Variants in SERP2 observed in about 807,000 individuals in gnomAD.
The protein encoded by SERP2 is stress associated endoplasmic reticulum protein family member 2.
In SERP2, 6 loss-of-function variants were observed where a neutral mutation model predicts 9.1. The ratio of observed to expected loss-of-function variants is 0.66; its 90% CI spans 0.36 to 1.30. The LOEUF (loss-of-function observed/expected upper bound fraction) is 1.30. Among genes scored for constraint, SERP2 ranks in the 50% most tolerant of loss-of-function variants. The pLI is 0.03. For missense variants in SERP2, 58 were observed against 81.9 expected (o/e 0.71, Z 1.13); for synonymous variants, 37 against 27.3 (o/e 1.35, Z -1.10).
At chr13:44,395,885 A>G in intron 2 of SERP2, 1 of 454,632 alleles carries the variant, frequency 2.2e-6, no homozygotes, top group South Asian at 1.6e-5. Flanking sequence ...GAGAAGAAAG[A>G]GACCCAAAAA....
At chr13:44,393,048 C>G (rs1872876254) in intron 2 of SERP2, among the ~76,000 whole-genome samples, 1 of 151,726 alleles carries the variant, frequency 6.6e-6, no homozygotes, top group African/African-American at 2.4e-5. Flanking sequence ...GAGTTTCAAG[C>G]AGGAAGTGCC....
intron 2 of SERP2, among the ~76,000 whole-genome samples, chr13:44,389,564 A>G (rs1447385474): frequency 1.3e-5 from 2 of 152,166 alleles, no homozygotes; most frequent in African/African-American, 4.8e-5. Flanking sequence ...AATGCTTAAG[A>G]GGGAAGAAAT....
Position 44,393,851 on chromosome 13 carries a change from T to A in SERP2, c.158-3421T>A, listed in dbSNP as rs569419069. Among the ~76,000 whole-genome samples, 187 of 152,264 alleles carry A rather than the reference T, an allele frequency of 1.2e-3. 1 individual carries two copies. Among genetic ancestry groups the A allele is most frequent in the African/African-American group, 4.3e-3 (180 of 41,572 alleles). The stretch of plus-strand genomic sequence containing the variant: ...GTGTAAGTTTTCTTAAAGACAATGA[T>A]ACAACTGAAAAAGAAATAATAAACA... On this transcript the variant is annotated intron_variant, in intron 2 of 2. Coordinates refer to ENST00000379179, the MANE Select transcript of SERP2 (RefSeq NM_001010897.3).
At chr13:44,387,203 G>C (rs997932027) in intron 2 of SERP2, among the ~76,000 whole-genome samples, 1 of 152,166 alleles carries the variant, frequency 6.6e-6, no homozygotes, top group African/African-American at 2.4e-5. Context: ...GACTTGACAT[G>C]CTTCCCCAGC....
At chr13:44,380,053 C>A (rs1244026317) in intron 2 of SERP2, among the ~76,000 whole-genome samples, 2 of 152,082 alleles carry the variant, frequency 1.3e-5, no homozygotes, top group Admixed American at 1.3e-4. Flanking sequence ...GTGATAAATC[C>A]ACATTCCGAG....
intron 2 of SERP2, among the ~76,000 whole-genome samples, chr13:44,390,034 A>G (rs930140228): frequency 3.9e-5 from 6 of 152,204 alleles, no homozygotes; most frequent in African/African-American, 1.4e-4. Flanking sequence ...TTCAGACTCT[A>G]AAACCCATCT....
Position 44,397,329 on chromosome 13 carries a change from A to G in SERP2, c.*17A>G. On this transcript the variant is annotated 3_prime_UTR_variant, in exon 3 of 3. Coordinates refer to ENST00000379179, the MANE Select transcript of SERP2 (RefSeq NM_001010897.3). ...GGCATGTGAGAAAGCCAGGGATTTG[A>G]CACCACCTCCCTCCCACTGGAGGCG... 2.5e-6 allele frequency: 4 copies of G among 1,600,920 alleles called. No individual in the cohort carries two copies. Among genetic ancestry groups the G allele is most frequent in the Non-Finnish European group, 2.6e-6 (3 of 1,168,184 alleles).
At position 44,397,647 on chromosome 13, in the gene SERP2, T is replaced by C; in HGVS notation, c.*335T>C. 1 of 369,596 alleles carries C rather than the reference T, an allele frequency of 2.7e-6. No homozygotes were observed. Among genetic ancestry groups the C allele is most frequent in the South Asian group, 2.8e-5 (1 of 35,398 alleles). The allele number at this position is 369,596 out of a possible 1,614,324, so 22.9% of individuals were successfully genotyped here. Reference sequence around the variant, plus strand: ...GCCCTCTGAACGATCACTGGTTTACTTTCTATGGATACAATCTCTCCTCCA... The same window carrying C: ...GCCCTCTGAACGATCACTGGTTTACCTTCTATGGATACAATCTCTCCTCCA... On this transcript the variant is annotated 3_prime_UTR_variant, in exon 3 of 3. Coordinates refer to ENST00000379179, the MANE Select transcript of SERP2 (RefSeq NM_001010897.3).
intron 2 of SERP2, among the ~76,000 whole-genome samples, chr13:44,391,259 T>C (rs1872744819): frequency 6.6e-6 from 1 of 152,172 alleles, no homozygotes; most frequent in Non-Finnish European, 1.5e-5. Flanking sequence ...TTTATAGTCT[T>C]GTACTTCCCC....
intron 1 of SERP2, among the ~76,000 whole-genome samples, chr13:44,378,233 T>G (rs907915361): frequency 6.6e-6 from 1 of 152,230 alleles, no homozygotes. Context: ...TAATATATGA[T>G]AAATTTTCTA....
chr13:44,397,414 G>GA lies in SERP2; in HGVS notation c.*109dup, dbSNP rs562170371. On this transcript the variant is annotated 3_prime_UTR_variant, in exon 3 of 3. Coordinates refer to ENST00000379179, the MANE Select transcript of SERP2 (RefSeq NM_001010897.3). ...GGAAACAAGCAGGCCACACGGAATA[G>GA]AAAAAAACGCTCCCCCACTTGTTCC... 1.6e-5 allele frequency: 14 copies of GA among 891,132 alleles called. No individual in the cohort carries two copies. In the African/African-American group the frequency reaches 2.1e-4, roughly 14 times the overall value. The allele number at this position is 891,132 out of a possible 1,614,324, so 55.2% of individuals were successfully genotyped here.
In SERP2 at chr13:44,388,258, G is replaced by A. The variant is rs111694169; in HGVS notation, c.157+8545G>A. ...TTTCTGTTTGCATTTGTGTGTGTGT[G>A]TTTGTATATGTGGGTTTTTTTGTGT... is the stretch of plus-strand genomic sequence containing the variant. On this transcript the variant is annotated intron_variant, in intron 2 of 2. Transcript: ENST00000379179. Among the ~76,000 whole-genome samples, 1,160 of 120,960 alleles carry A rather than the reference G, an allele frequency of 9.6e-3. 23 individuals are homozygous for A. The highest frequency in any genetic ancestry group is 0.051 in the Admixed American group (560 of 11,046). 79.4% of individuals were successfully genotyped at this position (120,960 alleles called of 152,430 possible).
In SERP2 at chr13:44,397,462, C is replaced by G. The variant is rs944203462; in HGVS notation, c.*150C>G. On this transcript the variant is annotated 3_prime_UTR_variant, in exon 3 of 3. Coordinates refer to ENST00000379179, the MANE Select transcript of SERP2 (RefSeq NM_001010897.3). ...TCCCTGATCACTTCATCGTGGATGT[C>G]AGACCAAATTGCCTTCTCACAGGAC... 3 of 651,850 alleles carry G rather than the reference C, an allele frequency of 4.6e-6. No individual in the cohort carries two copies. The highest frequency in any genetic ancestry group is 8.1e-6 in the Non-Finnish European group (3 of 368,166). The allele number at this position is 651,850 out of a possible 1,614,324, so 40.4% of individuals were successfully genotyped here.
intron 1 of SERP2, among the ~76,000 whole-genome samples, chr13:44,376,109 G>A (rs374993403): frequency 6.6e-6 from 1 of 152,202 alleles, no homozygotes; most frequent in East Asian, 1.9e-4. Context: ...GTAATGAAAG[G>A]TTTCCAGACC....
chr13:44,374,725 G>T (rs1187136797), intron 1 of SERP2, among the ~76,000 whole-genome samples: 1 of 152,068 alleles, frequency 6.6e-6, no homozygotes, highest in Admixed American at 6.6e-5. Context: ...AGCTCAAAAT[G>T]GGGAGTGAGA....
chr13:44,376,592 T>C (rs970284525), intron 1 of SERP2, among the ~76,000 whole-genome samples: 2 of 152,032 alleles, frequency 1.3e-5, no homozygotes, highest in Admixed American at 1.3e-4. Context: ...CTGGCCAACA[T>C]GGCACAACCC....
intron 1 of SERP2, among the ~76,000 whole-genome samples, chr13:44,378,711 C>A (rs562698360): frequency 6.6e-6 from 1 of 151,584 alleles, no homozygotes; most frequent in Non-Finnish European, 1.5e-5. Flanking sequence ...AAATTCACTT[C>A]TTTTCTGATG....
chr13:44,376,070 AAG>A (rs1871631069), intron 1 of SERP2, among the ~76,000 whole-genome samples: 1 of 152,380 alleles, frequency 6.6e-6, no homozygotes, highest in Non-Finnish European at 1.5e-5. Flanking sequence ...TTGCACCTAT[AAG>A]AGTTTTTAAA....
intron 2 of SERP2, chr13:44,391,231 T>C (rs1872742234): frequency 6.6e-6 from 1 of 152,126 alleles, no homozygotes. Flanking sequence ...GGATGGCCCA[T>C]TATCAGGCCT....
Sources: allele counts gnomAD v4.1 joint callset (sites outside exome capture counted in the v4.1 genomes callset), GRCh38; gene constraint gnomAD v4.1.1; transcripts MANE v1.5; gene names NCBI Gene and HGNC (gene_info 2026-07-23, HGNC 2026-07-21).